Variants in RBM26 observed in about 807,000 individuals in gnomAD.
The protein encoded by RBM26 is RNA binding motif protein 26.
A neutral mutation model predicts 123.6 loss-of-function variants in RBM26; 30 were observed. That is an observed-to-expected ratio of 0.24 (90% CI 0.18 to 0.33). The LOEUF is 0.33. Ranked by LOEUF, RBM26 falls within the 10% of genes least tolerant of loss-of-function variation. RBM26 has a pLI of 1.00. For missense variants in RBM26, 947 were observed against 1,203.6 expected (o/e 0.79, Z 3.15); for synonymous variants, 400 against 404.4 (o/e 0.99, Z 0.13).
chr13:79,367,268 G>A lies in RBM26; in HGVS notation c.896-396C>T, dbSNP rs9545089. The stretch of plus-strand genomic sequence containing the variant: ...CTAAAAATACAAAGATTAGCTGGAC[G>A]TGGTGGCTGGCGCCCATAAGCCCAG... On this transcript the variant is annotated intron_variant, in intron 6 of 21. Coordinates refer to ENST00000438737, the MANE Select transcript of RBM26 (RefSeq NM_001366735.2). Among the ~76,000 whole-genome samples the A allele has an allele frequency of 7.6e-3, 1,152 of 151,886 alleles. 11 individuals carry two copies. The highest frequency in any genetic ancestry group is 0.017 in the Middle Eastern group (5 of 292).
At chr13:79,393,821 G>T (rs1422614621) in intron 1 of RBM26, among the ~76,000 whole-genome samples, 1 of 152,168 alleles carries the variant, frequency 6.6e-6, no homozygotes, top group African/African-American at 2.4e-5. Context: ...TAGGGTTAAA[G>T]CCTAAAACCG....
At chr13:79,380,558 C>T (rs572256058) in intron 1 of RBM26, among the ~76,000 whole-genome samples, 53 of 151,564 alleles carry the variant, frequency 3.5e-4, no homozygotes, top group Non-Finnish European at 5.6e-4. Flanking sequence ...TATTTTGATA[C>T]CTGTATGCAA....
intron 21 of RBM26, 63 bp from the exon 22 acceptor site, chr13:79,320,773 T>C (rs1593864881): frequency 5.8e-6 from 8 of 1,374,170 alleles, no homozygotes; most frequent in Non-Finnish European, 5.8e-6. Flanking sequence ...AAAAAAAAGG[T>C]GACACTTTTA....
At chr13:79,355,124 A>T (rs1333553779) in intron 12 of RBM26, 96 bp downstream of exon 12, 1 of 1,121,892 alleles carries the variant, frequency 8.9e-7, no homozygotes, top group East Asian at 2.4e-5. Context: ...CAGGGTATGA[A>T]CTCAGGCCTA....
At chr13:79,338,634 A>G (rs553621227) in intron 18 of RBM26, among the ~76,000 whole-genome samples, 1 of 152,358 alleles carries the variant, frequency 6.6e-6, no homozygotes, top group East Asian at 1.9e-4. Flanking sequence ...CCCAAGAGCC[A>G]TAAAAATAAA....
rs929209259 is a variant in RBM26 at position 79,390,567 on chromosome 13, T to C, written c.72-11660A>G. Among the ~76,000 whole-genome samples, 9 of 152,176 alleles carry C rather than the reference T, an allele frequency of 5.9e-5. No homozygotes were observed. In the East Asian group the frequency reaches 1.7e-3, roughly 29 times the overall value. ...TATAAAATGGTACACTTAAGATCTG[T>C]GCACTTGATTGTATCTGTATTCTAA... On this transcript the variant is annotated intron_variant, in intron 1 of 21. Transcript: ENST00000438737.
At chr13:79,370,010 T>C (rs913796777) in intron 5 of RBM26, among the ~76,000 whole-genome samples, 9 of 152,170 alleles carry the variant, frequency 5.9e-5, no homozygotes, top group African/African-American at 2.2e-4. Context: ...ACAGATTAGT[T>C]TGCATTTTTA....
Position 79,318,938 on chromosome 13 carries a change from C to CT in RBM26, c.*1682_*1683insA. 1.0e-6 allele frequency: 1 copy of CT among 974,904 alleles called. No individual in the cohort carries two copies. The highest frequency in any genetic ancestry group is 1.2e-6 in the Non-Finnish European group (1 of 820,624). 60.4% of individuals were successfully genotyped at this position (974,904 alleles called of 1,614,324 possible). A position where few individuals can be genotyped will look rare whatever the true frequency, so the allele number is the denominator to read the frequency against. ...ATCAGAATAGCACATAGTCAACATA[C>CT]AAGAGACTACATAAAAATAGATCTT... On this transcript the variant is annotated 3_prime_UTR_variant, in exon 22 of 22. Transcript: ENST00000438737.
downstream of RBM26, among the ~76,000 whole-genome samples, chr13:79,315,525 T>C (rs1170247337): frequency 6.6e-6 from 1 of 151,640 alleles, no homozygotes; most frequent in Non-Finnish European, 1.5e-5. Flanking sequence ...ATAAAAGGAA[T>C]ACATGGAAAT....
At chr13:79,320,741 C>T in intron 21 of RBM26, 31 bp from the exon 22 acceptor site, 1 of 1,174,452 alleles carries the variant, frequency 8.5e-7, no homozygotes, top group Non-Finnish European at 1.1e-6. Flanking sequence ...AGGAATTTAC[C>T]CAAAAAAAAA....
intron 1 of RBM26, among the ~76,000 whole-genome samples, chr13:79,395,530 A>C (rs1220377184): frequency 6.6e-6 from 1 of 152,186 alleles, no homozygotes; most frequent in East Asian, 1.9e-4. Flanking sequence ...ACTTGACACC[A>C]GAAGTTCAAG....
intron 20 of RBM26, among the ~76,000 whole-genome samples, chr13:79,322,815 A>C (rs1409149444): frequency 6.6e-6 from 1 of 151,468 alleles, no homozygotes; most frequent in Admixed American, 6.6e-5. Context: ...TAAGATGACA[A>C]TCCCAAGGTA....
chr13:79,379,371 C>CAAAAA (rs1160901778), intron 1 of RBM26, among the ~76,000 whole-genome samples: 2 of 79,468 alleles, frequency 2.5e-5, no homozygotes, highest in Admixed American at 1.7e-4. Flanking sequence ...CAGTCTCTAC[C>CAAAAA]AAAAAAAAAA....
At position 79,359,522 on chromosome 13, in the gene RBM26, G is replaced by T. The variant is rs2074414700; in HGVS notation, c.1529+53C>A. 20 of 831,426 alleles carry T rather than the reference G, an allele frequency of 2.4e-5. No homozygotes were observed. The South Asian group carries it at 2.9e-4, about 12-fold the overall frequency. The allele number at this position is 831,426 out of a possible 1,614,324, so 51.5% of individuals were successfully genotyped here. A position where few individuals can be genotyped will look rare whatever the true frequency, so the allele number is the denominator to read the frequency against. On this transcript the variant is annotated intron_variant, in intron 10 of 21. Transcript: ENST00000438737. Reference sequence around the variant, plus strand: ...CATATTGTCATAATAATACAGAAATGATCCTGAAAATCAATGCACAATTAT... The same window carrying T: ...CATATTGTCATAATAATACAGAAATTATCCTGAAAATCAATGCACAATTAT...
chr13:79,382,663 A>G (rs2077156483), intron 1 of RBM26, among the ~76,000 whole-genome samples: 1 of 152,140 alleles, frequency 6.6e-6, no homozygotes, highest in Non-Finnish European at 1.5e-5. Flanking sequence ...GTGAAAACTT[A>G]AGCACTTTAG....
At chr13:79,371,425 G>A (rs571885191) in intron 4 of RBM26, among the ~76,000 whole-genome samples, 1 of 152,076 alleles carries the variant, frequency 6.6e-6, no homozygotes, top group Admixed American at 6.6e-5. Flanking sequence ...CTGTATATAA[G>A]ACTTAGAGTA....
chr13:79,369,771 T>C (rs1410492131), intron 5 of RBM26, among the ~76,000 whole-genome samples: 4 of 152,216 alleles, frequency 2.6e-5, no homozygotes, highest in Non-Finnish European at 5.9e-5. Context: ...AATAAAACTT[T>C]TTAAACTTTT....
intron 6 of RBM26, among the ~76,000 whole-genome samples, chr13:79,367,604 A>G (rs1410445590): frequency 6.6e-6 from 1 of 151,666 alleles, no homozygotes. Context: ...TTAAAAGAGC[A>G]TGGCACCTCC....
intron 1 of RBM26, among the ~76,000 whole-genome samples, chr13:79,381,968 G>C (rs373054794): frequency 3.2e-4 from 48 of 152,076 alleles, no homozygotes; most frequent in Admixed American, 1.2e-3. Context: ...ATTTGCATTT[G>C]GGAAACAATT....
Sources: gnomAD v4.1 joint callset for allele counts (sites outside exome capture counted in the v4.1 genomes callset) on GRCh38, gnomAD v4.1.1 for gene constraint, MANE v1.5 for transcripts, NCBI Gene and HGNC (gene_info 2026-07-23, HGNC 2026-07-21) for gene names.